The following ROBO2 variants were observed in gnomAD, a reference collection of about 807,000 sequenced individuals.
The protein encoded by ROBO2 is roundabout guidance receptor 2.
ROBO2 carries 53 observed loss-of-function variants against 160.8 expected under a neutral mutation model. The observed-to-expected ratio is 0.33, with a 90% confidence interval of 0.26 to 0.41. The LOEUF (loss-of-function observed/expected upper bound fraction) is 0.41, where lower values mean the gene tolerates loss of function less well. Among genes scored for constraint, ROBO2 ranks in the 10% least tolerant of loss-of-function variants. ROBO2 has a pLI of 1.00. For synonymous variants in ROBO2, 664 were observed against 611.7 expected (o/e 1.09, Z -1.26); for missense variants, 1,577 against 1,722.4 (o/e 0.92, Z 1.49).
intron 2 of ROBO2, among the ~76,000 whole-genome samples, chr3:77,436,186 T>C (rs943296284): frequency 6.6e-6 from 1 of 151,582 alleles, no homozygotes; most frequent in Non-Finnish European, 1.5e-5. Context: ...GAAAATCAGA[T>C]ATATTGGGCT....
At chr3:77,638,821 T>C in intron 24 of ROBO2, among the ~76,000 whole-genome samples, 1 of 139,580 alleles carries the variant, frequency 7.2e-6, no homozygotes, top group African/African-American at 2.8e-5. Flanking sequence ...CACCTAGCTT[T>C]TTTTTTTTTT....
chr3:76,771,805 TCTA>T (rs139448933), intron 2 of ROBO2, among the ~76,000 whole-genome samples: 3,731 of 151,320 alleles, frequency 0.025, 157 homozygotes, highest in African/African-American at 0.084. Flanking sequence ...TGAGGAAAAA[TCTA>T]CTGCTTTTGA....
At position 77,248,777 on chromosome 3, in the gene ROBO2, C is replaced by CT. The variant is rs56271044; in HGVS notation, c.388+150455dup. ...AATAGCTGCTTCAACATCACTTGCT[C>CT]TTTTTTTTTTTTTTTTTTGAAGGAA... On this transcript the variant is annotated intron_variant, in intron 2 of 25. Coordinates refer to ENST00000461745, the Ensembl canonical transcript of ROBO2. 7.2e-3 allele frequency among the ~76,000 whole-genome samples: 1,023 copies of CT among 141,602 alleles called. 18 individuals are homozygous for CT. Among genetic ancestry groups the CT allele is most frequent in the African/African-American group, 0.024 (935 of 38,562 alleles). The allele number at this position is 141,602 out of a possible 152,430, so 92.9% of individuals were successfully genotyped here.
At chr3:77,591,080 A>G (rs538447459) in intron 17 of ROBO2, among the ~76,000 whole-genome samples, 2 of 152,184 alleles carry the variant, frequency 1.3e-5, no homozygotes, top group African/African-American at 2.4e-5. Flanking sequence ...AAACAATTTA[A>G]TATGAGTGAG....
At chr3:77,462,400 CATT>C (rs1275986513) in intron 2 of ROBO2, among the ~76,000 whole-genome samples, 2 of 152,174 alleles carry the variant, frequency 1.3e-5, no homozygotes, top group African/African-American at 4.8e-5. Flanking sequence ...GAAAAAAACT[CATT>C]AGTTGAATTG....
rs775713 is a variant in ROBO2 at position 77,568,068 on chromosome 3, C to G, written c.1850-245C>G. Reference sequence around the variant, plus strand: ...ACAACAGTGTGTCTGCATTTGAATGCGGATGAGGGATTACAAATACTCTTC... The same window carrying G: ...ACAACAGTGTGTCTGCATTTGAATGGGGATGAGGGATTACAAATACTCTTC... On this transcript the variant is annotated intron_variant, in intron 12 of 25. Transcript: ENST00000461745. Among the ~76,000 whole-genome samples, 93,274 of 151,678 alleles carry G rather than the reference C, an allele frequency of 0.61. 29,216 individuals carry two copies. The highest frequency in any genetic ancestry group is 0.73 in the African/African-American group (30,028 of 41,392).
intron 2 of ROBO2, among the ~76,000 whole-genome samples, chr3:76,569,193 C>T (rs540299018): frequency 6.6e-6 from 1 of 152,006 alleles, no homozygotes; most frequent in Non-Finnish European, 1.5e-5. Flanking sequence ...TACAAAGCCA[C>T]AATCTCAGTC....
intron 2 of ROBO2, among the ~76,000 whole-genome samples, chr3:76,945,215 G>C (rs943274167): frequency 6.6e-6 from 1 of 152,086 alleles, no homozygotes; most frequent in Non-Finnish European, 1.5e-5. Flanking sequence ...CGCCAGTTTA[G>C]GGTCCTAGGT....
At chr3:76,793,483 G>C (rs2063496680) in intron 2 of ROBO2, among the ~76,000 whole-genome samples, 1 of 151,932 alleles carries the variant, frequency 6.6e-6, no homozygotes, top group Non-Finnish European at 1.5e-5. Flanking sequence ...TGACTTCAGA[G>C]AGGGTAGAAT....
rs569005484 is a variant in ROBO2 at position 76,710,382 on chromosome 3, G to C, written c.110-387632G>C. On this transcript the variant is annotated intron_variant, in intron 2 of 26. Coordinates refer to the ROBO2 transcript ENST00000487694. The stretch of plus-strand genomic sequence containing the variant: ...GATCCTCCTGCCTTGGCCTCCCAAA[G>C]TGCTGGGATTACAGGTGTGAGCCAC... 1.5e-3 allele frequency among the ~76,000 whole-genome samples: 224 copies of C among 152,290 alleles called. 1 individual carries two copies. Among genetic ancestry groups the C allele is most frequent in the African/African-American group, 5.0e-3 (208 of 41,568 alleles).
At chr3:76,007,725 G>A (rs938315101) in intron 2 of ROBO2, among the ~76,000 whole-genome samples, 128 of 152,044 alleles carry the variant, frequency 8.4e-4, no homozygotes, top group African/African-American at 3.0e-3. Context: ...TGGAAGCCAA[G>A]TTTCATATTT....
At chr3:76,803,473 A>AAGGG (rs949656118) in intron 2 of ROBO2, among the ~76,000 whole-genome samples, 2 of 138,172 alleles carry the variant, frequency 1.4e-5, no homozygotes, top group African/African-American at 2.6e-5. Context: ...GAAAGGAAGG[A>AAGGG]AGGGAGGGAG....
At chr3:76,879,364 T>G (rs1182109793) in intron 2 of ROBO2, among the ~76,000 whole-genome samples, 1 of 152,120 alleles carries the variant, frequency 6.6e-6, no homozygotes, top group Non-Finnish European at 1.5e-5. Context: ...AGAATCTGCA[T>G]TTCTAACAAG....
At chr3:76,207,188 A>G (rs923120910) in intron 2 of ROBO2, among the ~76,000 whole-genome samples, 12 of 152,338 alleles carry the variant, frequency 7.9e-5, no homozygotes, top group African/African-American at 2.9e-4. Context: ...GGTAATATCA[A>G]GTCTATGCAG....
At chr3:75,919,264 T>C (rs1016054119) in intron 1 of ROBO2, among the ~76,000 whole-genome samples, 4 of 152,102 alleles carry the variant, frequency 2.6e-5, no homozygotes, top group African/African-American at 9.7e-5. Flanking sequence ...TGAATTTTAT[T>C]GAAGGCCTTT....
intron 2 of ROBO2, among the ~76,000 whole-genome samples, chr3:76,452,164 C>G (rs1448124219): frequency 6.6e-6 from 1 of 151,820 alleles, no homozygotes; most frequent in African/African-American, 2.4e-5. Context: ...CTTTTCTCTT[C>G]CAACTTATTT....
chr3:75,985,664 T>A (rs2065394937), intron 2 of ROBO2, among the ~76,000 whole-genome samples: 1 of 151,590 alleles, frequency 6.6e-6, no homozygotes, highest in Non-Finnish European at 1.5e-5. Flanking sequence ...ATCATCACCA[T>A]CCATCTCCAG....
chr3:76,634,573 GA>G (rs201395192), intron 2 of ROBO2, among the ~76,000 whole-genome samples: 118 of 114,740 alleles, frequency 1.0e-3, no homozygotes, highest in East Asian at 5.4e-3. Context: ...GTCTCAAAGA[GA>G]AAAAAAAAAA....
At chr3:77,628,006 C>T (rs1559759701) in intron 23 of ROBO2, among the ~76,000 whole-genome samples, 2 of 152,132 alleles carry the variant, frequency 1.3e-5, no homozygotes, top group Non-Finnish European at 2.9e-5. Context: ...CAAGATGCCA[C>T]TTTATCATGA....
Sources: allele counts gnomAD v4.1 joint callset (sites outside exome capture counted in the v4.1 genomes callset), GRCh38; gene constraint gnomAD v4.1.1; transcripts MANE v1.5; gene names NCBI Gene and HGNC (gene_info 2026-07-23, HGNC 2026-07-21).